ASIC2: variants seen among roughly 807,000 people sequenced by gnomAD.
The protein encoded by ASIC2 is acid-sensing ion channel 2.
A neutral mutation model predicts 57.3 loss-of-function variants in ASIC2; 25 were observed. The ratio of observed to expected loss-of-function variants is 0.44; its 90% confidence interval spans 0.32 to 0.61. ASIC2 has a LOEUF of 0.61. ASIC2 is among the 20% of genes least tolerant of loss of function. ASIC2 has a pLI of 0.06. For synonymous variants in ASIC2, 319 were observed against 307.5 expected, an observed-to-expected ratio of 1.04 and a Z score of -0.39; for missense variants, 641 against 738.1, an observed-to-expected ratio of 0.87 and a Z score of 1.52.
intron 1 of ASIC2, among the ~76,000 whole-genome samples, chr17:33,949,125 C>T (rs1253039074): frequency 6.6e-6 from 1 of 151,930 alleles, no homozygotes; most frequent in African/African-American, 2.4e-5. Context: ...ATGTAAAGAC[C>T]AGTGGGCCAT....
chr17:33,323,450 C>T lies in ASIC2; in HGVS notation c.556-211383G>A, dbSNP rs142292976. On this transcript the variant is annotated intron_variant, in intron 1 of 9. Transcript: ENST00000359872. ...AGACACAGGCGGGCACGGTGCCTCA[C>T]GCCTATAATCCCAGCACTTTGGGAG... Among the ~76,000 whole-genome samples, 390 of 152,314 alleles carry T rather than the reference C, an allele frequency of 2.6e-3. 1 individual carries two copies. Among genetic ancestry groups the T allele is most frequent in the Admixed American group, 4.9e-3 (75 of 15,302 alleles).
At chr17:33,360,099 T>C (rs1042121632) in intron 1 of ASIC2, among the ~76,000 whole-genome samples, 2 of 152,208 alleles carry the variant, frequency 1.3e-5, no homozygotes, top group African/African-American at 4.8e-5. Context: ...CATCTTTAGA[T>C]AGCATTAACT....
chr17:33,588,361 C>G (rs983705031), intron 1 of ASIC2, among the ~76,000 whole-genome samples: 5 of 152,120 alleles, frequency 3.3e-5, no homozygotes, highest in African/African-American at 1.2e-4. Flanking sequence ...CTTTCTGGAC[C>G]TCACCTCCCT....
At chr17:33,028,873 T>C (rs1240987118) in intron 3 of ASIC2, among the ~76,000 whole-genome samples, 1 of 152,302 alleles carries the variant, frequency 6.6e-6, no homozygotes, top group East Asian at 1.9e-4. Flanking sequence ...CAGAGGAAGA[T>C]TCAGAATGAA....
rs114770975 is a variant in ASIC2, at chr17:33,802,127, G to A, written c.555+353851C>T. 3.6e-3 allele frequency among the ~76,000 whole-genome samples: 546 copies of A among 152,278 alleles called. 6 individuals are homozygous for A. Among genetic ancestry groups the A allele is most frequent in the African/African-American group, 0.012 (518 of 41,528 alleles). ...TTGGTCAATGACAGACTGCATATAC[G>A]ACAGTGGTCCCACAAGGCTGCAATG... On this transcript the variant is annotated intron_variant, in intron 1 of 9. Transcript: ENST00000359872.
At chr17:33,176,473 T>G (rs1349893857) in intron 1 of ASIC2, among the ~76,000 whole-genome samples, 1 of 152,102 alleles carries the variant, frequency 6.6e-6, no homozygotes, top group African/African-American at 2.4e-5. Context: ...GCCTCTTGAG[T>G]AGCTGGGAGG....
At chr17:34,148,104 C>T (rs1170053287) in intron 1 of ASIC2, among the ~76,000 whole-genome samples, 4 of 152,148 alleles carry the variant, frequency 2.6e-5, no homozygotes, top group African/African-American at 7.2e-5. Context: ...GGAACCAACA[C>T]CCCAGCCAAT....
At chr17:33,950,989 T>G (rs1485765496) in intron 1 of ASIC2, among the ~76,000 whole-genome samples, 2 of 152,204 alleles carry the variant, frequency 1.3e-5, no homozygotes, top group Non-Finnish European at 2.9e-5. Flanking sequence ...CCTGATCTAT[T>G]CATTGGGAGG....
chr17:34,123,471 C>T (rs1041115199), intron 1 of ASIC2, among the ~76,000 whole-genome samples: 1 of 152,174 alleles, frequency 6.6e-6, no homozygotes, highest in Non-Finnish European at 1.5e-5. Context: ...CTGGCAGGTA[C>T]CTCTTGCTCA....
At chr17:33,570,732 T>G (rs1317032401) in intron 1 of ASIC2, among the ~76,000 whole-genome samples, 1 of 152,124 alleles carries the variant, frequency 6.6e-6, no homozygotes, top group Non-Finnish European at 1.5e-5. Flanking sequence ...TACCATCAAT[T>G]TAGGAGCTCC....
intron 1 of ASIC2, among the ~76,000 whole-genome samples, chr17:33,786,665 C>A (rs1245788023): frequency 6.6e-6 from 1 of 152,114 alleles, no homozygotes; most frequent in Non-Finnish European, 1.5e-5. Flanking sequence ...TCACTGTCAG[C>A]AATTCATGAG....
At chr17:33,849,091 C>A (rs1011853149) in intron 1 of ASIC2, among the ~76,000 whole-genome samples, 2 of 152,190 alleles carry the variant, frequency 1.3e-5, no homozygotes, top group African/African-American at 4.8e-5. Context: ...CAAAGTAGAA[C>A]TTGAATCCTT....
At chr17:33,582,175 T>C (rs1052462736) in intron 1 of ASIC2, among the ~76,000 whole-genome samples, 1 of 152,174 alleles carries the variant, frequency 6.6e-6, no homozygotes, top group Non-Finnish European at 1.5e-5. Flanking sequence ...AAAATGAATG[T>C]AATCTACAAA....
chr17:33,918,338 C>A (rs984487390), intron 1 of ASIC2, among the ~76,000 whole-genome samples: 1 of 152,164 alleles, frequency 6.6e-6, no homozygotes, highest in African/African-American at 2.4e-5. Context: ...TGTAACTTGT[C>A]TGCCCAATAA....
In ASIC2 at chr17:33,271,489, A is replaced by T. The variant is rs74606289; in HGVS notation, c.708+19919T>A. 4.5e-4 allele frequency among the ~76,000 whole-genome samples: 68 copies of T among 152,198 alleles called. 3 individuals are homozygous for T. The East Asian group carries it at 0.013, about 29-fold the overall frequency. On this transcript the variant is annotated intron_variant, in intron 1 of 9. Transcript: ENST00000225823. The stretch of plus-strand genomic sequence containing the variant: ...TCGCCTCCCACCTCTCTCAACACCC[A>T]TATCTAATCTCCCCCAGCCTTCCAT...
upstream of ASIC2, among the ~76,000 whole-genome samples, chr17:33,297,196 C>G (rs1188327189): frequency 6.6e-6 from 1 of 152,242 alleles, no homozygotes; most frequent in African/African-American, 2.4e-5. Context: ...CTTCTCCAGG[C>G]TAAATGTCAC....
intron 1 of ASIC2, chr17:33,976,667 G>C (rs533951019): frequency 6.6e-6 from 1 of 152,248 alleles, no homozygotes; most frequent in Admixed American, 6.5e-5. Flanking sequence ...GGCTCATGGA[G>C]GGTCAGCGAC....
intron 1 of ASIC2, chr17:33,936,090 T>G (rs765819184): frequency 5.3e-5 from 8 of 152,188 alleles, no homozygotes; most frequent in Non-Finnish European, 1.0e-4. Context: ...GAACAGGAGA[T>G]AGCACATGAA....
chr17:33,691,673 G>T (rs972972896), intron 1 of ASIC2, among the ~76,000 whole-genome samples: 10 of 151,918 alleles, frequency 6.6e-5, no homozygotes, highest in African/African-American at 2.2e-4. Flanking sequence ...GCATGACTTT[G>T]TTCATGGTGG....
Sources: allele counts gnomAD v4.1 joint callset (sites outside exome capture counted in the v4.1 genomes callset), GRCh38; gene constraint gnomAD v4.1.1; transcripts MANE v1.5; gene names NCBI Gene and HGNC (gene_info 2026-07-23, HGNC 2026-07-21).